QTMAN: variants seen among roughly 807,000 people sequenced by gnomAD.
QTMAN encodes the protein queuosine-tRNA mannosyltransferase, also known as tRNA-queuosine alpha-mannosyltransferase.
chr2:144,109,964 A>G, the QTMAN span, among the ~76,000 whole-genome samples: 1 of 152,226 alleles, frequency 6.6e-6, no homozygotes, highest in Non-Finnish European at 1.5e-5. Flanking sequence ...TAGTTCAACC[A>G]TTGTGGAAGA....
At chr2:144,031,501 A>G in the QTMAN span, among the ~76,000 whole-genome samples, 6 of 152,178 alleles carry the variant, frequency 3.9e-5, no homozygotes, top group Non-Finnish European at 8.8e-5. Context: ...AGAAGCTTTT[A>G]AACTGAATTT....
the QTMAN span, among the ~76,000 whole-genome samples, chr2:144,041,106 G>A: frequency 1.1e-4 from 17 of 152,016 alleles, no homozygotes; most frequent in African/African-American, 3.9e-4. Context: ...CTTTCATTGC[G>A]CTTGAGAATT....
the QTMAN span, among the ~76,000 whole-genome samples, chr2:144,001,446 A>C: frequency 0.049 from 7,481 of 151,944 alleles, 292 homozygotes; most frequent in African/African-American, 0.1. Context: ...GCATAAGCTG[A>C]TTTATCATTA....
At chr2:143,963,029 T>C in the QTMAN span, among the ~76,000 whole-genome samples, 1 of 152,136 alleles carries the variant, frequency 6.6e-6, no homozygotes, top group South Asian at 2.1e-4. Flanking sequence ...TAGAGAGTTT[T>C]CCCCCCTAAA....
At chr2:143,992,463 C>T in the QTMAN span, among the ~76,000 whole-genome samples, 1 of 149,702 alleles carries the variant, frequency 6.7e-6, no homozygotes, top group African/African-American at 2.5e-5. Context: ...ATCTGCTGAC[C>T]TTCCCTCCAC....
the QTMAN span, among the ~76,000 whole-genome samples, chr2:144,038,429 A>G: frequency 6.6e-6 from 1 of 152,234 alleles, no homozygotes; most frequent in Non-Finnish European, 1.5e-5. Context: ...TGAACTGTTG[A>G]AAAACAATGA....
chr2:144,134,094 G>A, the QTMAN span, among the ~76,000 whole-genome samples: 1 of 152,130 alleles, frequency 6.6e-6, no homozygotes, highest in Non-Finnish European at 1.5e-5. Context: ...TTTCCGTGGG[G>A]AGCCACGGGG....
chr2:144,087,424 C>T, the QTMAN span, among the ~76,000 whole-genome samples: 9,237 of 151,966 alleles, frequency 0.061, 932 homozygotes, highest in African/African-American at 0.21. Flanking sequence ...TTCCACAAAA[C>T]TGAAGAGAAA....
At chr2:143,999,424 TA>T in the QTMAN span, among the ~76,000 whole-genome samples, 6 of 147,638 alleles carry the variant, frequency 4.1e-5, no homozygotes, top group South Asian at 2.1e-4. Context: ...ATATTAGCCT[TA>T]AAAAAAAAAG....
the QTMAN span, among the ~76,000 whole-genome samples, chr2:144,315,061 T>C: frequency 6.6e-6 from 1 of 152,016 alleles, no homozygotes; most frequent in Non-Finnish European, 1.5e-5. Context: ...AATTTTGGTA[T>C]TTTTAATAGA....
the QTMAN span, among the ~76,000 whole-genome samples, chr2:144,037,649 C>G: frequency 6.6e-6 from 1 of 152,172 alleles, no homozygotes; most frequent in African/African-American, 2.4e-5. Context: ...TAAAACATTT[C>G]TACAAAGAAA....
the QTMAN span, among the ~76,000 whole-genome samples, chr2:143,996,285 A>T: frequency 5.4e-3 from 815 of 152,194 alleles, 7 homozygotes; most frequent in African/African-American, 0.018. Context: ...TGGGTGAGAA[A>T]TTCTTATGGA....
At chr2:144,033,072 A>T in the QTMAN span, among the ~76,000 whole-genome samples, 1 of 152,244 alleles carries the variant, frequency 6.6e-6, no homozygotes, top group African/African-American at 2.4e-5. Context: ...ACTTCCAGAG[A>T]AATACTAAAA....
chr2:144,141,803 G>T, the QTMAN span: 2 of 1,056,706 alleles, frequency 1.9e-6, no homozygotes, highest in Non-Finnish European at 2.8e-6. Context: ...AGTTAAAACT[G>T]GCATGAAGAA....
At chr2:144,188,428 A>G in the QTMAN span, among the ~76,000 whole-genome samples, 1 of 152,190 alleles carries the variant, frequency 6.6e-6, no homozygotes, top group Admixed American at 6.5e-5. Flanking sequence ...TCTTTTCCTA[A>G]AAAGTGAGAT....
the QTMAN span, among the ~76,000 whole-genome samples, chr2:144,107,964 A>C: frequency 6.6e-6 from 1 of 152,336 alleles, no homozygotes; most frequent in South Asian, 2.1e-4. Flanking sequence ...GCAAATCAAT[A>C]AACGTAATCC....
At chr2:144,154,164 G>T in the QTMAN span, among the ~76,000 whole-genome samples, 2 of 152,214 alleles carry the variant, frequency 1.3e-5, no homozygotes, top group African/African-American at 4.8e-5. Context: ...AAAGTGAATA[G>T]TTTTATTTCA....
chr2:143,990,718 T>C, the QTMAN span, among the ~76,000 whole-genome samples: 2 of 151,766 alleles, frequency 1.3e-5, no homozygotes, highest in African/African-American at 4.8e-5. Flanking sequence ...ATGATAAAAT[T>C]CCAAAAAATA....
At chr2:144,219,147 T>G in the QTMAN span, among the ~76,000 whole-genome samples, 2 of 152,186 alleles carry the variant, frequency 1.3e-5, no homozygotes, top group African/African-American at 4.8e-5. Flanking sequence ...CTTCTTCTTT[T>G]GAGATGGAGT....
Sources: gnomAD v4.1 joint callset for allele counts (sites outside exome capture counted in the v4.1 genomes callset) on GRCh38, gnomAD v4.1.1 for gene constraint, MANE v1.5 for transcripts, NCBI Gene and HGNC (gene_info 2026-07-23, HGNC 2026-07-21) for gene names.